The following SPOP variants were observed in gnomAD, a reference collection of about 807,000 sequenced individuals.
SPOP encodes speckle type BTB/POZ protein.
In SPOP, 11 loss-of-function variants were observed where a neutral mutation model predicts 45.6. The observed-to-expected ratio is 0.24, with a 90% CI of 0.15 to 0.40. SPOP has a LOEUF of 0.40. SPOP is among the 10% of genes least tolerant of loss of function. SPOP has a pLI of 1.00. For missense variants in SPOP, 152 were observed against 465.6 expected (o/e 0.33, Z 6.20); for synonymous variants, 166 against 166.3 (o/e 1.00, Z 0.01).
intron 8 of SPOP, 60 bp downstream of exon 8, chr17:49,607,190 A>T: frequency 6.2e-7 from 1 of 1,609,642 alleles, no homozygotes; most frequent in Non-Finnish European, 8.5e-7. Context: ...AATCCTGTTC[A>T]TGAAACACAA....
intron 1 of SPOP, among the ~76,000 whole-genome samples, chr17:49,655,156 T>C (rs2072890656): frequency 6.6e-6 from 1 of 152,218 alleles, no homozygotes; most frequent in South Asian, 2.1e-4. Context: ...TACTAGTCAG[T>C]TCTCAATTTT....
intron 1 of SPOP, among the ~76,000 whole-genome samples, chr17:49,628,660 T>C (rs1374873060): frequency 6.6e-6 from 1 of 152,196 alleles, no homozygotes; most frequent in Non-Finnish European, 1.5e-5. Flanking sequence ...GTTGAAACAG[T>C]AAGTACGTAA....
chr17:49,670,187 T>G (rs558408354), intron 1 of SPOP, among the ~76,000 whole-genome samples: 15 of 152,350 alleles, frequency 9.8e-5, no homozygotes, highest in African/African-American at 2.6e-4. Context: ...TGATCATAAT[T>G]GGAAGAATGA....
rs550630951 is a variant in SPOP, at chr17:49,665,484, A to G, written c.-67+12449T>C. ...AAAAAAATTAGCCAGGCGTGGTGGC[A>G]GGCGCCTGTAGTCCCAGCTACTCAG... On this transcript the variant is annotated intron_variant, in intron 1 of 9. Transcript: ENST00000504102. Among the ~76,000 whole-genome samples, 218 of 151,820 alleles carry G rather than the reference A, an allele frequency of 1.4e-3. 1 individual carries two copies. Among genetic ancestry groups the G allele is most frequent in the East Asian group, 3.3e-3 (17 of 5,130 alleles).
intron 8 of SPOP, chr17:49,602,454 T>C (rs375140838): frequency 4.8e-4 from 75 of 156,832 alleles, no homozygotes; most frequent in African/African-American, 1.7e-3. Flanking sequence ...GGTGAAAGAA[T>C]TGGTGTCTAC....
chr17:49,633,956 G>T (rs1337993552), intron 1 of SPOP, among the ~76,000 whole-genome samples: 1 of 151,260 alleles, frequency 6.6e-6, no homozygotes, highest in Non-Finnish European at 1.5e-5. Context: ...ACCATCAGGT[G>T]ACATGCTGCT....
intron 1 of SPOP, among the ~76,000 whole-genome samples, chr17:49,629,907 A>T (rs1054428160): frequency 6.6e-6 from 1 of 152,234 alleles, no homozygotes; most frequent in Non-Finnish European, 1.5e-5. Flanking sequence ...AAGATATTAG[A>T]TTGAATCATG....
intron 8 of SPOP, among the ~76,000 whole-genome samples, chr17:49,605,989 C>CAA (rs564333269): frequency 0.013 from 1,706 of 135,976 alleles, 36 homozygotes; most frequent in African/African-American, 0.044. Context: ...ACTCCCTTCT[C>CAA]AAAAAAAAAA....
intron 1 of SPOP, among the ~76,000 whole-genome samples, chr17:49,650,671 G>A (rs1164227124): frequency 6.6e-6 from 1 of 152,182 alleles, no homozygotes; most frequent in Non-Finnish European, 1.5e-5. Context: ...AGTAATACCA[G>A]CAATTTTAAC....
chr17:49,629,272 A>C (rs2072404171), intron 1 of SPOP, among the ~76,000 whole-genome samples: 1 of 152,172 alleles, frequency 6.6e-6, no homozygotes, highest in Non-Finnish European at 1.5e-5. Flanking sequence ...CTGATGACTG[A>C]AACACTCATC....
intron 1 of SPOP, among the ~76,000 whole-genome samples, chr17:49,632,026 C>T (rs758007700): frequency 2.6e-5 from 4 of 152,136 alleles, no homozygotes; most frequent in Non-Finnish European, 5.9e-5. Flanking sequence ...AGAATAGTAT[C>T]CCCCTGTGCC....
At chr17:49,670,907 T>C (rs1400429274) in intron 1 of SPOP, among the ~76,000 whole-genome samples, 2 of 152,108 alleles carry the variant, frequency 1.3e-5, no homozygotes, top group African/African-American at 4.8e-5. Flanking sequence ...TACATAACAC[T>C]GTGTAGAGAT....
chr17:49,618,494 T>A (rs947604477), intron 5 of SPOP: 2 of 452,738 alleles, frequency 4.4e-6, no homozygotes, highest in African/African-American at 4.0e-5. Context: ...AGAAAAAAAA[T>A]GGTTCTCACC....
At chr17:49,658,179 C>G (rs1282482512) in intron 1 of SPOP, among the ~76,000 whole-genome samples, 1 of 152,084 alleles carries the variant, frequency 6.6e-6, no homozygotes, top group Non-Finnish European at 1.5e-5. Flanking sequence ...ATTTTAAAAA[C>G]ACACAATCAA....
intron 5 of SPOP, among the ~76,000 whole-genome samples, chr17:49,618,153 T>C (rs778857166): frequency 6.6e-6 from 1 of 152,146 alleles, no homozygotes; most frequent in Non-Finnish European, 1.5e-5. Flanking sequence ...CTGTTTATTA[T>C]TATCAAGCGG....
chr17:49,618,309 A>C (rs1437425875), intron 5 of SPOP, among the ~76,000 whole-genome samples: 1 of 152,186 alleles, frequency 6.6e-6, no homozygotes, highest in East Asian at 1.9e-4. Context: ...ATCAGTATAT[A>C]CTCATTAAAG....
At chr17:49,614,005 CCTTAA>C (rs1249316899) in intron 5 of SPOP, among the ~76,000 whole-genome samples, 1 of 152,092 alleles carries the variant, frequency 6.6e-6, no homozygotes, top group Admixed American at 6.6e-5. Flanking sequence ...TGTATAATCT[CCTTAA>C]CTTCAAGTTG....
rs530374898 is a variant in SPOP, at chr17:49,619,212, G to A, written c.352+22C>T. On this transcript the variant is annotated intron_variant, in intron 4 of 9. Transcript: ENST00000504102. This position sits in a 1 kb window ranked among gnomAD's most constrained non-coding sequence, Gnocchi z 4.9. ...CTTCTGGATGTGAAACTTAAGAGTT[G>A]AACAAAGAGGAGAACATTTACCCAT... 6.2e-7 allele frequency: 1 copy of A among 1,613,684 alleles called. No individual in the cohort carries two copies. Among genetic ancestry groups the A allele is most frequent in the South Asian group, 1.1e-5 (1 of 91,046 alleles).
chr17:49,669,227 C>T (rs2073104855), intron 1 of SPOP, among the ~76,000 whole-genome samples: 2 of 151,126 alleles, frequency 1.3e-5, no homozygotes, highest in Admixed American at 1.3e-4. Context: ...CCATCATGCC[C>T]GGATAATTTT....
Sources: gnomAD v4.1 joint callset for allele counts (sites outside exome capture counted in the v4.1 genomes callset) on GRCh38, gnomAD v4.1.1 for gene constraint, Gnocchi (gnomAD v3.1) non-coding constraint, MANE v1.5 for transcripts, NCBI Gene and HGNC (gene_info 2026-07-23, HGNC 2026-07-21) for gene names.